IL1RAPL1: variants seen among roughly 807,000 people sequenced by gnomAD.
IL1RAPL1 encodes interleukin-1 receptor accessory protein-like 1.
In IL1RAPL1, 3 loss-of-function variants were observed where a neutral mutation model predicts 48.4. That is an observed-to-expected ratio of 0.06 (90% CI 0.03 to 0.16). The LOEUF (loss-of-function observed/expected upper bound fraction) is 0.16, where lower values mean the gene tolerates loss of function less well. Ranked by LOEUF, IL1RAPL1 falls within the 10% of genes least tolerant of loss-of-function variation. IL1RAPL1 has a pLI of 1.00. For synonymous variants in IL1RAPL1, 185 were observed against 187.7 expected, an observed-to-expected ratio of 0.99 and a Z score of 0.12; for missense variants, 349 against 530.6, an observed-to-expected ratio of 0.66 and a Z score of 3.36.
At chrX:29,330,863 G>C (rs970834705) in intron 3 of IL1RAPL1, among the ~76,000 whole-genome samples, 2 of 111,658 alleles carry the variant, frequency 1.8e-5, no homozygotes, top group African/African-American at 6.5e-5. Context: ...GTGAAAGGGG[G>C]TATTACTAAT....
At chrX:28,690,646 A>C (rs1320989220) in intron 1 of IL1RAPL1, among the ~76,000 whole-genome samples, 4 of 111,532 alleles carry the variant, frequency 3.6e-5, no homozygotes, top group Non-Finnish European at 7.5e-5. Flanking sequence ...TCAGAGACAC[A>C]GTAAACTCAG....
rs1462055367 is a variant in IL1RAPL1, at chrX:29,310,143, A to AC, written c.362+26926_362+26927insC. Among the ~76,000 whole-genome samples, 210 of 99,795 alleles carry AC rather than the reference A, an allele frequency of 2.1e-3. 1 individual carries two copies. The highest frequency in any genetic ancestry group is 3.6e-3 in the Non-Finnish European group (177 of 49,577). 86.7% of individuals were successfully genotyped at this position (99,795 alleles called of 115,157 possible). A position where few individuals can be genotyped will look rare whatever the true frequency, so the allele number is the denominator to read the frequency against. On this transcript the variant is annotated intron_variant, in intron 3 of 10. Coordinates refer to ENST00000378993, the MANE Select transcript of IL1RAPL1 (RefSeq NM_014271.4). The stretch of plus-strand genomic sequence containing the variant: ...AAAAAAAAAAAAGAAAGGAAAAAAA[A>AC]AAAAACAAAAAAAGGGTAAGTCGGG...
intron 2 of IL1RAPL1, among the ~76,000 whole-genome samples, chrX:28,826,086 A>G (rs1428861743): frequency 8.9e-6 from 1 of 111,843 alleles, no homozygotes; most frequent in Non-Finnish European, 1.9e-5. Context: ...TTGGTTGCAA[A>G]GTTCTGTAAT....
chrX:29,358,221 A>C (rs1933330025), intron 3 of IL1RAPL1, among the ~76,000 whole-genome samples: 1 of 111,214 alleles, frequency 9.0e-6, no homozygotes. Flanking sequence ...CAGAAAGAGA[A>C]TTTGCCTCTG....
intron 2 of IL1RAPL1, among the ~76,000 whole-genome samples, chrX:29,247,174 G>T (rs983035207): frequency 8.9e-6 from 1 of 112,097 alleles, no homozygotes; most frequent in African/African-American, 3.2e-5. Flanking sequence ...TTTTCTAAAA[G>T]CATATATGGG....
chrX:29,103,026 A>G (rs1294184440), intron 2 of IL1RAPL1, among the ~76,000 whole-genome samples: 2 of 112,419 alleles, frequency 1.8e-5, no homozygotes, highest in Non-Finnish European at 3.8e-5. Context: ...AAGAATCAAT[A>G]TTGTTAAAAT....
At chrX:29,539,475 C>G (rs959314209) in intron 5 of IL1RAPL1, among the ~76,000 whole-genome samples, 4 of 111,118 alleles carry the variant, frequency 3.6e-5, no homozygotes, top group African/African-American at 1.3e-4. Context: ...GACAAGGATG[C>G]CCCCTCTCAC....
chrX:29,132,910 G>T (rs140490043), intron 2 of IL1RAPL1, among the ~76,000 whole-genome samples: 1,153 of 111,262 alleles, frequency 0.01, 15 homozygotes, highest in African/African-American at 0.035. Context: ...TCTTCATTTA[G>T]TTGGATATAT....
At chrX:29,339,731 G>GT (rs1488356783) in intron 3 of IL1RAPL1, among the ~76,000 whole-genome samples, 5 of 111,867 alleles carry the variant, frequency 4.5e-5, no homozygotes, top group African/African-American at 9.8e-5. Flanking sequence ...GCTTTCCTCA[G>GT]TTTTCCTTAA....
intron 1 of IL1RAPL1, among the ~76,000 whole-genome samples, chrX:28,671,531 G>T (rs1199774072): frequency 8.9e-6 from 1 of 111,794 alleles, no homozygotes; most frequent in Non-Finnish European, 1.9e-5. Flanking sequence ...ATTCAGGAGC[G>T]CTGTATGGAC....
intron 1 of IL1RAPL1, among the ~76,000 whole-genome samples, chrX:28,779,165 C>T (rs1411321962): frequency 9.0e-6 from 1 of 111,282 alleles, no homozygotes; most frequent in Non-Finnish European, 1.9e-5. Flanking sequence ...CGGCTAGTGC[C>T]AGGGATTTTC....
intron 1 of IL1RAPL1, among the ~76,000 whole-genome samples, chrX:28,651,037 A>T (rs1416664714): frequency 8.9e-6 from 1 of 112,138 alleles, no homozygotes; most frequent in African/African-American, 3.2e-5. Flanking sequence ...TTCAGTGAAA[A>T]TGCAGTCAAA....
At chrX:28,964,761 C>A (rs773878545) in intron 2 of IL1RAPL1, among the ~76,000 whole-genome samples, 1 of 111,238 alleles carries the variant, frequency 9.0e-6, no homozygotes, top group Non-Finnish European at 1.9e-5. Context: ...TTTTGTGAGA[C>A]CTAGGTCTTC....
intron 3 of IL1RAPL1, among the ~76,000 whole-genome samples, chrX:29,340,688 G>A (rs1326107978): frequency 8.9e-6 from 1 of 111,766 alleles, no homozygotes; most frequent in Non-Finnish European, 1.9e-5. Context: ...CAGCCTGCAA[G>A]TACCCTGTTT....
intron 3 of IL1RAPL1, among the ~76,000 whole-genome samples, chrX:29,394,677 C>G (rs1032189512): frequency 9.0e-6 from 1 of 111,718 alleles, no homozygotes; most frequent in Non-Finnish European, 1.9e-5. Context: ...CTATCTCTTT[C>G]CCTGGATTGT....
intron 5 of IL1RAPL1, among the ~76,000 whole-genome samples, chrX:29,406,848 A>G (rs527377510): frequency 8.9e-6 from 1 of 111,997 alleles, no homozygotes; most frequent in Admixed American, 9.5e-5. Context: ...TTTATACTTG[A>G]TTCTGTCTTA....
At chrX:29,954,235 CAAAAAAAAAAAAAAA>C (rs34345826) in intron 9 of IL1RAPL1, among the ~76,000 whole-genome samples, 2 of 30,422 alleles carry the variant, frequency 6.6e-5, no homozygotes, top group Admixed American at 5.5e-4. Flanking sequence ...GACTGTGTCC[CAAAAAAAAAAAAAAA>C]AAAAAAAAAA....
At chrX:28,919,559 T>A (rs1307898480) in intron 2 of IL1RAPL1, among the ~76,000 whole-genome samples, 2 of 112,011 alleles carry the variant, frequency 1.8e-5, no homozygotes, top group African/African-American at 6.5e-5. Flanking sequence ...TTCTGCCACT[T>A]ACCAGTCATT....
intron 2 of IL1RAPL1, among the ~76,000 whole-genome samples, chrX:28,813,212 C>A (rs1211439500): frequency 9.0e-6 from 1 of 111,443 alleles, no homozygotes; most frequent in Non-Finnish European, 1.9e-5. Flanking sequence ...CTAGGTGCTG[C>A]TTTCACTGAT....
Sources: gnomAD v4.1 joint callset for allele counts (sites outside exome capture counted in the v4.1 genomes callset) on GRCh38, gnomAD v4.1.1 for gene constraint, MANE v1.5 for transcripts, NCBI Gene and HGNC (gene_info 2026-07-23, HGNC 2026-07-21) for gene names.